Variants in KSR2 observed in about 807,000 individuals in gnomAD.
KSR2 encodes the protein kinase suppressor of ras 2.
A neutral mutation model predicts 107.8 loss-of-function variants in KSR2; 25 were observed. The observed-to-expected ratio is 0.23, with a 90% confidence interval of 0.17 to 0.32. The LOEUF (loss-of-function observed/expected upper bound fraction) is 0.32, where lower values mean the gene tolerates loss of function less well. Ranked by LOEUF, KSR2 falls within the 10% of genes least tolerant of loss-of-function variation. The probability of loss-of-function intolerance (pLI) is 1.00; values close to 1 mark genes in which losing one functional copy is unlikely to be tolerated. For synonymous variants in KSR2, 480 were observed against 507.0 expected, an observed-to-expected ratio of 0.95 and a Z score of 0.71; for missense variants, 887 against 1,268.9, an observed-to-expected ratio of 0.70 and a Z score of 4.57.
At chr12:117,833,068 A>G (rs994413597) in intron 3 of KSR2, among the ~76,000 whole-genome samples, 1 of 152,134 alleles carries the variant, frequency 6.6e-6, no homozygotes, top group African/African-American at 2.4e-5. Context: ...GGCGGTATGT[A>G]GTGGTGGTTT....
chr12:117,768,061 A>T (rs758556269), intron 3 of KSR2, among the ~76,000 whole-genome samples: 1 of 152,166 alleles, frequency 6.6e-6, no homozygotes, highest in African/African-American at 2.4e-5. Flanking sequence ...TTTAGACCCT[A>T]GTCCCGTGGT....
chr12:117,567,834 AC>A (rs112555565), intron 7 of KSR2, among the ~76,000 whole-genome samples: 1 of 148,120 alleles, frequency 6.8e-6, no homozygotes, highest in Non-Finnish European at 1.5e-5. Context: ...GGATATCAAA[AC>A]CAAAAGTGCA....
At chr12:117,502,512 GGGGAATGACT>G (rs1873441347) in intron 14 of KSR2, among the ~76,000 whole-genome samples, 2 of 152,122 alleles carry the variant, frequency 1.3e-5, no homozygotes, top group African/African-American at 4.8e-5. Context: ...GGAGGGTAGT[GGGGAATGACT>G]GGTAATGGGT....
At chr12:117,824,141 G>C (rs1593272317) in intron 3 of KSR2, among the ~76,000 whole-genome samples, 2 of 152,132 alleles carry the variant, frequency 1.3e-5, no homozygotes, top group Non-Finnish European at 2.9e-5. Context: ...CAGTGAAATA[G>C]GCCAAGCACA....
At position 117,906,178 on chromosome 12, in the gene KSR2, C is replaced by T. The variant is rs1027032166; in HGVS notation, c.181-45747G>A. ...CCAGCCTGGCTGACATGGCAAAACC[C>T]CATCTCTACAAAAATACAAAAAAAA... On this transcript the variant is annotated intron_variant, in intron 1 of 19. Transcript: ENST00000339824. 3.8e-4 allele frequency among the ~76,000 whole-genome samples: 57 copies of T among 151,854 alleles called. 1 individual carries two copies. The highest frequency in any genetic ancestry group is 1.4e-3 in the African/African-American group (56 of 41,314).
intron 5 of KSR2, among the ~76,000 whole-genome samples, chr12:117,584,009 T>C (rs1214019799): frequency 5.9e-5 from 9 of 152,176 alleles, no homozygotes; most frequent in Admixed American, 5.2e-4. Flanking sequence ...CTCTATTCTG[T>C]CTAATGACAC....
chr12:117,930,690 T>C (rs1338621456), intron 1 of KSR2, among the ~76,000 whole-genome samples: 2 of 152,110 alleles, frequency 1.3e-5, no homozygotes, highest in South Asian at 2.1e-4. Flanking sequence ...GCAAGGCAGG[T>C]GGGTCACCTG....
At chr12:117,730,529 C>A (rs1887626068) in intron 4 of KSR2, among the ~76,000 whole-genome samples, 1 of 152,062 alleles carries the variant, frequency 6.6e-6, no homozygotes, top group South Asian at 2.1e-4. Flanking sequence ...TCCCTCATCT[C>A]CCCTTTCCAC....
Position 117,911,017 on chromosome 12 carries a change from C to T in KSR2, c.181-50586G>A, listed in dbSNP as rs139493924. Among the ~76,000 whole-genome samples the T allele has an allele frequency of 6.3e-3, 955 of 152,312 alleles. 9 individuals are homozygous for T. Among genetic ancestry groups the T allele is most frequent in the African/African-American group, 0.021 (890 of 41,560 alleles). On this transcript the variant is annotated intron_variant, in intron 1 of 19. Coordinates refer to ENST00000339824, the MANE Select transcript of KSR2 (RefSeq NM_173598.6). ...TACCATATGTTTCTAAACTTCCACACATAAGTCATGCCTGATGAACTTCTA... is the reference window on the plus strand; with the variant it reads ...TACCATATGTTTCTAAACTTCCACATATAAGTCATGCCTGATGAACTTCTA...
chr12:117,683,437 G>T (rs1430208987), intron 4 of KSR2, among the ~76,000 whole-genome samples: 1 of 152,034 alleles, frequency 6.6e-6, no homozygotes, highest in African/African-American at 2.4e-5. Context: ...CTGGTAACTG[G>T]TATCTTGGAT....
Position 117,842,890 on chromosome 12 carries a change from G to A in KSR2, c.472+12538C>T, listed in dbSNP as rs1266995640. The stretch of plus-strand genomic sequence containing the variant: ...GGGTTCTGCTGCAAGACAAAGGCTG[G>A]AGAGGAAAACATCCTGCCCCTCCCT... On this transcript the variant is annotated intron_variant, in intron 3 of 19. Coordinates refer to ENST00000339824, the MANE Select transcript of KSR2 (RefSeq NM_173598.6). This position sits in a 1 kb window ranked among gnomAD's most constrained non-coding sequence, Gnocchi z 4.2. Among the ~76,000 whole-genome samples the A allele has an allele frequency of 6.6e-6, 1 of 152,152 alleles. No individual in the cohort carries two copies. The highest frequency in any genetic ancestry group is 2.4e-5 in the African/African-American group (1 of 41,434).
At position 117,476,541 on chromosome 12, in the gene KSR2, C is replaced by A. The variant is rs775677033; in HGVS notation, c.2505G>T (p.Glu835Asp). Residue 835 changes from glutamate (E) to aspartate (D), a missense_variant, in exon 17 of 20, where the codon GAG (glutamate) becomes GAT (aspartate). Around this residue, in one of 8 missense-constraint regions of KSR2, gnomAD observed 308 missense variants for 506.2 expected, o/e 0.61. Coordinates refer to ENST00000339824, the MANE Select transcript of KSR2 (RefSeq NM_173598.6). ...TGTCGGGGGACAGCTGGCGGATGAT[C>A]TCTGGTGCCAGGTGGCATAGCCAGC... ...QNGWLCHLAP[E>D]IIRQLSPDTE... is the part of the protein sequence containing the mutation. 6.2e-7 allele frequency: 1 copy of A among 1,610,922 alleles called. No homozygotes were observed. Among genetic ancestry groups the A allele is most frequent in the Non-Finnish European group, 8.5e-7 (1 of 1,178,804 alleles).
rs1354068037 is a variant in KSR2, at chr12:117,557,089, C to T, written c.1393+1417G>A. Among the ~76,000 whole-genome samples the T allele has an allele frequency of 2.0e-5, 3 of 152,008 alleles. 1 individual carries two copies. Among genetic ancestry groups the T allele is most frequent in the African/African-American group, 4.8e-5 (2 of 41,386 alleles). ...CTGAGGCAGGAGAATCGCTTGAACCCGGGAGGCAGAGGTTGCAGTGAGCTG... is the reference window on the plus strand; with the variant it reads ...CTGAGGCAGGAGAATCGCTTGAACCTGGGAGGCAGAGGTTGCAGTGAGCTG... On this transcript the variant is annotated intron_variant, in intron 8 of 19. Transcript: ENST00000339824.
At chr12:117,481,257 T>C (rs1248163338) in intron 16 of KSR2, among the ~76,000 whole-genome samples, 1 of 152,124 alleles carries the variant, frequency 6.6e-6, no homozygotes, top group African/African-American at 2.4e-5. Context: ...CTCAAGGTAT[T>C]ATAGACTGAA....
intron 1 of KSR2, among the ~76,000 whole-genome samples, chr12:117,940,567 C>A (rs950229240): frequency 3.3e-5 from 5 of 152,168 alleles, no homozygotes; most frequent in African/African-American, 1.2e-4. Context: ...GCAGTGTTCA[C>A]AAACATAATG....
intron 3 of KSR2, among the ~76,000 whole-genome samples, chr12:117,787,620 G>A (rs566937088): frequency 3.3e-5 from 5 of 152,042 alleles, no homozygotes; most frequent in Admixed American, 2.0e-4. Flanking sequence ...GCAACAGAGC[G>A]AGACTCCATC....
chr12:117,674,137 A>C, intron 4 of KSR2: 1 of 388,182 alleles, frequency 2.6e-6, no homozygotes, highest in Non-Finnish European at 5.1e-6. Context: ...AATCTGGGAA[A>C]ACTCTTCCCA....
chr12:117,469,527 G>A, intron 19 of KSR2, 135 bp downstream of exon 19: 1 of 985,808 alleles, frequency 1.0e-6, no homozygotes, highest in Non-Finnish European at 1.5e-6. Context: ...TAGTAGGGAA[G>A]AGTGGTTGCC....
At chr12:117,856,954 G>A (rs1893124237) in intron 2 of KSR2, among the ~76,000 whole-genome samples, 1 of 152,210 alleles carries the variant, frequency 6.6e-6, no homozygotes, top group Non-Finnish European at 1.5e-5. Flanking sequence ...GCAGGGGGCA[G>A]AGAGAGAAGA....
Sources: allele counts gnomAD v4.1 joint callset (sites outside exome capture counted in the v4.1 genomes callset), GRCh38; gene constraint gnomAD v4.1.1; regional missense constraint gnomAD v4.1.1; non-coding constraint Gnocchi (gnomAD v3.1); transcripts MANE v1.5; gene names NCBI Gene and HGNC (gene_info 2026-07-23, HGNC 2026-07-21).